The following CPEB4 variants were observed in gnomAD, a reference collection of about 807,000 sequenced individuals.
CPEB4 encodes the protein cytoplasmic polyadenylation element-binding protein 4.
CPEB4 carries 12 observed loss-of-function variants against 72.5 expected under a neutral mutation model. That is an observed-to-expected ratio of 0.17 (90% CI 0.11 to 0.27). The LOEUF is 0.27. Among genes scored for constraint, CPEB4 ranks in the 10% least tolerant of loss-of-function variants. The pLI is 1.00. For synonymous variants in CPEB4, 302 were observed against 326.3 expected (o/e 0.93, Z 0.80); for missense variants, 614 against 908.5 (o/e 0.68, Z 4.17).
chr5:173,934,311 A>G (rs922268976), intron 3 of CPEB4, among the ~76,000 whole-genome samples: 2 of 152,182 alleles, frequency 1.3e-5, no homozygotes, highest in Non-Finnish European at 2.9e-5. Context: ...CTTTTTCCCA[A>G]AATATTTATG....
chr5:173,906,663 A>G (rs1373787358), intron 1 of CPEB4, among the ~76,000 whole-genome samples: 1 of 152,212 alleles, frequency 6.6e-6, no homozygotes, highest in Non-Finnish European at 1.5e-5. Flanking sequence ...ATCTAATAGT[A>G]CCAATTGAAC....
At chr5:173,892,166 G>A (rs1755835649) in intron 1 of CPEB4, among the ~76,000 whole-genome samples, 1 of 152,078 alleles carries the variant, frequency 6.6e-6, no homozygotes, top group African/African-American at 2.4e-5. Context: ...TTGACTGAGA[G>A]GGAGGGGAAG....
chr5:173,933,813 G>T (rs997059375), intron 3 of CPEB4, among the ~76,000 whole-genome samples: 2 of 152,238 alleles, frequency 1.3e-5, no homozygotes, highest in Admixed American at 6.5e-5. Context: ...TGTTCCTGTT[G>T]GATTAGTTGC....
intron 3 of CPEB4, among the ~76,000 whole-genome samples, chr5:173,939,075 C>T (rs940925470): frequency 6.6e-6 from 1 of 152,058 alleles, no homozygotes; most frequent in East Asian, 1.9e-4. Context: ...ATTTCTTGAG[C>T]CCAGGAGTTG....
intron 3 of CPEB4, among the ~76,000 whole-genome samples, chr5:173,939,603 G>C (rs1377678060): frequency 2.0e-5 from 3 of 152,214 alleles, no homozygotes; most frequent in East Asian, 3.9e-4. Context: ...TTTTGCTAGA[G>C]GGAATTTGAT....
Position 173,960,301 on chromosome 5 carries a change from T to G in CPEB4, c.*4164T>G, listed in dbSNP as rs892703439. 7.9e-5 allele frequency: 12 copies of G among 152,652 alleles called. No individual in the cohort carries two copies. Among genetic ancestry groups the G allele is most frequent in the Admixed American group, 5.2e-4 (8 of 15,286 alleles). The allele number at this position is 152,652 out of a possible 1,614,324, so 9.5% of individuals were successfully genotyped here. On this transcript the variant is annotated 3_prime_UTR_variant, in exon 10 of 10. Transcript: ENST00000265085. The stretch of plus-strand genomic sequence containing the variant: ...GTGAGATGTTGAATGAATAAAACTT[T>G]TAACTCAGATTTCTTTTAATATACT...
chr5:173,893,385 G>A (rs988942558), intron 1 of CPEB4, among the ~76,000 whole-genome samples: 5 of 152,054 alleles, frequency 3.3e-5, no homozygotes, highest in African/African-American at 1.2e-4. Context: ...GGGAGGCTGA[G>A]GCAGAAGGAT....
chr5:173,921,348 T>C (rs1226976901), intron 2 of CPEB4, among the ~76,000 whole-genome samples: 1 of 152,176 alleles, frequency 6.6e-6, no homozygotes, highest in Non-Finnish European at 1.5e-5. Flanking sequence ...ACTTCCCTAA[T>C]TTTTCTGCTT....
chr5:173,932,775 G>C (rs907206797), intron 3 of CPEB4, among the ~76,000 whole-genome samples: 5 of 152,126 alleles, frequency 3.3e-5, no homozygotes, highest in African/African-American at 9.7e-5. Context: ...TCTAATATTA[G>C]CTTCTGTAGA....
At chr5:173,949,457 AAAT>A in intron 5 of CPEB4, 48 bp from the exon 6 acceptor site, 1 of 1,363,166 alleles carries the variant, frequency 7.3e-7, no homozygotes, top group Non-Finnish European at 1.0e-6. Context: ...AACTTTCAAA[AAAT>A]GATCATAAAA....
chr5:173,896,471 A>G (rs1756017665), intron 1 of CPEB4, among the ~76,000 whole-genome samples: 1 of 152,210 alleles, frequency 6.6e-6, no homozygotes, highest in Admixed American at 6.5e-5. Context: ...AAAAATACTT[A>G]GTAGATAGAA....
Position 173,955,810 on chromosome 5 carries a change from T to G in CPEB4, c.1963-100T>G. The G allele has an allele frequency of 1.0e-6, 1 of 956,596 alleles. No individual in the cohort carries two copies. Among genetic ancestry groups the G allele is most frequent in the South Asian group, 1.6e-5 (1 of 61,868 alleles). 59.3% of individuals were successfully genotyped at this position (956,596 alleles called of 1,614,324 possible). A position where few individuals can be genotyped will look rare whatever the true frequency, so the allele number is the denominator to read the frequency against. On this transcript the variant is annotated intron_variant, in intron 9 of 9. Transcript: ENST00000265085. This position sits in a 1 kb window ranked among gnomAD's most constrained non-coding sequence, Gnocchi z 4.7. ...AATTAGTCCTTCCTCTTTGGGCACCTTGGAACAGATTCATTCAGATAGTGG... is the reference window on the plus strand; with the variant it reads ...AATTAGTCCTTCCTCTTTGGGCACCGTGGAACAGATTCATTCAGATAGTGG...
chr5:173,942,135 A>G (rs1757868237), intron 3 of CPEB4, among the ~76,000 whole-genome samples: 1 of 152,234 alleles, frequency 6.6e-6, no homozygotes, highest in Non-Finnish European at 1.5e-5. Context: ...AACTAGTATA[A>G]CAATAGGCAT....
intron 1 of CPEB4, among the ~76,000 whole-genome samples, chr5:173,905,644 T>C (rs1756408545): frequency 6.6e-6 from 1 of 152,208 alleles, no homozygotes; most frequent in South Asian, 2.1e-4. Context: ...AGACTCTAAG[T>C]GATCATTTTC....
At chr5:173,927,373 AG>A (rs1314837301) in intron 2 of CPEB4, among the ~76,000 whole-genome samples, 7 of 152,216 alleles carry the variant, frequency 4.6e-5, no homozygotes, top group African/African-American at 1.4e-4. Flanking sequence ...CTAATTCCGA[AG>A]GGGGCTTTAA....
intron 1 of CPEB4, among the ~76,000 whole-genome samples, chr5:173,898,123 C>A (rs535853347): frequency 6.6e-6 from 1 of 152,110 alleles, no homozygotes; most frequent in Non-Finnish European, 1.5e-5. Flanking sequence ...ATATTCTAAT[C>A]ATTTTTTAGT....
chr5:173,888,468 A>G lies in CPEB4; in HGVS notation c.-1266A>G. Reference sequence around the variant, plus strand: ...CAGCAGAGGAGGAAGAGGAGGAAGAAGGAAAGAAAAAGAAGAACCAGGAGG... The same window carrying G: ...CAGCAGAGGAGGAAGAGGAGGAAGAGGGAAAGAAAAAGAAGAACCAGGAGG... On this transcript the variant is annotated 5_prime_UTR_variant, in exon 1 of 10. Coordinates refer to ENST00000265085, the MANE Select transcript of CPEB4 (RefSeq NM_030627.4). This position sits in a 1 kb window ranked among gnomAD's most constrained non-coding sequence, Gnocchi z 4.3. The G allele has an allele frequency of 2.3e-6, 1 of 436,642 alleles. No homozygotes were observed. Among genetic ancestry groups the G allele is most frequent in the Non-Finnish European group, 4.0e-6 (1 of 251,100 alleles). 27.0% of individuals were successfully genotyped at this position (436,642 alleles called of 1,614,324 possible). A position where few individuals can be genotyped will look rare whatever the true frequency, so the allele number is the denominator to read the frequency against.
Position 173,953,091 on chromosome 5 carries a change from T to C in CPEB4, c.1781T>C (p.Val594Ala), listed in dbSNP as rs1211910749. 2.5e-6 allele frequency: 4 copies of C among 1,592,404 alleles called. No individual in the cohort carries two copies. Among genetic ancestry groups the C allele is most frequent in the African/African-American group, 1.3e-5 (1 of 74,154 alleles). ...VGGVPRPLRA[V>A]ELAMIMDRLY... ...TCCTCCTTGTTCCTTTCTTAATTAG[T>C]GGAGCTTGCGATGATAATGGATCGG... Residue 594 changes from valine (V) to alanine (A), a missense_variant and splice_region_variant, in exon 9 of 10, where the codon GTG (valine) becomes GCG (alanine). Physicochemically the swap from Val to Ala is moderately conservative, Grantham distance 64 (BLOSUM62 0). Around this residue, in one of 5 missense-constraint regions of CPEB4, gnomAD observed 101 missense variants for 243.1 expected, o/e 0.42. Transcript: ENST00000265085.
At position 173,929,921 on chromosome 5, in the gene CPEB4, A is replaced by G. The variant is rs1346337436; in HGVS notation, c.1208-2529A>G. 2.6e-5 allele frequency among the ~76,000 whole-genome samples: 4 copies of G among 152,190 alleles called. No individual in the cohort carries two copies. The East Asian group carries it at 5.8e-4, about 22-fold the overall frequency. ...TTCTTCTGAAAATGTTTTATGATAAATGAAAGTGTGATAGCTCTTATTCAT... is the reference window on the plus strand; with the variant it reads ...TTCTTCTGAAAATGTTTTATGATAAGTGAAAGTGTGATAGCTCTTATTCAT... On this transcript the variant is annotated intron_variant, in intron 2 of 9. Transcript: ENST00000265085.
Sources: gnomAD v4.1 joint callset for allele counts (sites outside exome capture counted in the v4.1 genomes callset) on GRCh38, gnomAD v4.1.1 for gene constraint, gnomAD v4.1.1 regional missense constraint, Gnocchi (gnomAD v3.1) non-coding constraint, MANE v1.5 for transcripts, NCBI Gene and HGNC (gene_info 2026-07-23, HGNC 2026-07-21) for gene names.